Variants in FRMD5 observed in about 807,000 individuals in gnomAD.
FRMD5 encodes FERM domain containing 5.
FRMD5 carries 20 observed loss-of-function variants against 69.0 expected under a neutral mutation model. That is an observed-to-expected ratio of 0.29 (90% confidence interval 0.20 to 0.42). The LOEUF (loss-of-function observed/expected upper bound fraction) is 0.42, where lower values mean the gene tolerates loss of function less well. Ranked by LOEUF, FRMD5 falls within the 10% of genes least tolerant of loss-of-function variation. The pLI is 1.00. For synonymous variants in FRMD5, 271 were observed against 260.1 expected, an observed-to-expected ratio of 1.04 and a Z score of -0.40; for missense variants, 595 against 708.6, an observed-to-expected ratio of 0.84 and a Z score of 1.82.
chr15:44,042,816 A>G (rs938072479), intron 1 of FRMD5, among the ~76,000 whole-genome samples: 3 of 152,264 alleles, frequency 2.0e-5, no homozygotes, highest in African/African-American at 7.2e-5. Context: ...CCCACAGCCA[A>G]TATAATACTG....
At chr15:44,196,487 C>A (rs923402073), upstream of FRMD5, among the ~76,000 whole-genome samples, 1 of 151,542 alleles carries the variant, frequency 6.6e-6, no homozygotes, top group African/African-American at 2.4e-5. Flanking sequence ...ATAATCGTGT[C>A]AACATAGAAC....
chr15:44,169,299 C>T (rs1469550082), intron 1 of FRMD5, among the ~76,000 whole-genome samples: 4 of 152,090 alleles, frequency 2.6e-5, no homozygotes, highest in African/African-American at 7.2e-5. Context: ...AAACAGTCCC[C>T]TAGATTCTCC....
At chr15:44,087,566 G>A (rs1894252550) in intron 1 of FRMD5, among the ~76,000 whole-genome samples, 1 of 152,036 alleles carries the variant, frequency 6.6e-6, no homozygotes, top group South Asian at 2.1e-4. Flanking sequence ...CTGAACCTGT[G>A]CAAGTTACTT....
intron 1 of FRMD5, among the ~76,000 whole-genome samples, chr15:44,104,952 CTTTA>C (rs929860932): frequency 7.9e-5 from 12 of 152,118 alleles, no homozygotes; most frequent in South Asian, 2.1e-4. Flanking sequence ...ATATACCACA[CTTTA>C]TTTATTCATT....
intron 1 of FRMD5, among the ~76,000 whole-genome samples, chr15:44,129,712 C>T (rs765723276): frequency 2.0e-5 from 3 of 151,994 alleles, no homozygotes; most frequent in African/African-American, 4.8e-5. Context: ...TTCTAACAGC[C>T]GTCCACATCA....
chr15:43,905,783 T>C, intron 6 of FRMD5, 45 bp downstream of exon 6: 1 of 1,611,196 alleles, frequency 6.2e-7, no homozygotes, highest in South Asian at 1.1e-5. Flanking sequence ...GTGCTCAGGC[T>C]GTGGAGAAGC....
intron 1 of FRMD5, among the ~76,000 whole-genome samples, chr15:44,148,365 G>A (rs1482497298): frequency 6.6e-6 from 1 of 151,742 alleles, no homozygotes; most frequent in Non-Finnish European, 1.5e-5. Flanking sequence ...TCTGCCTCCC[G>A]GGTTCACGCC....
At chr15:43,940,315 G>A (rs1168085887) in intron 1 of FRMD5, among the ~76,000 whole-genome samples, 2 of 152,180 alleles carry the variant, frequency 1.3e-5, no homozygotes, top group Non-Finnish European at 2.9e-5. Flanking sequence ...AGAAAGTAAT[G>A]GGGCCCTATT....
intron 1 of FRMD5, among the ~76,000 whole-genome samples, chr15:43,999,953 CATATAT>C (rs34872140): frequency 5.2e-4 from 43 of 82,888 alleles, no homozygotes; most frequent in African/African-American, 2.6e-3. Context: ...ATATGCCATG[CATATAT>C]ATATATATAT....
chr15:43,880,079 G>A (rs573160260), intron 13 of FRMD5, among the ~76,000 whole-genome samples: 11 of 152,284 alleles, frequency 7.2e-5, no homozygotes, highest in East Asian at 3.9e-4. Context: ...AATCAAGACC[G>A]TCCCAGAAAA....
chr15:44,183,107 C>T (rs1484750804), intron 1 of FRMD5, among the ~76,000 whole-genome samples: 1 of 152,040 alleles, frequency 6.6e-6, no homozygotes. Context: ...AAAATACTCA[C>T]ATTTCAATAT....
At position 43,873,446 on chromosome 15, in the gene FRMD5, AAAGC is replaced by A; in HGVS notation, c.*435_*438del. On this transcript the variant is annotated 3_prime_UTR_variant, in exon 14 of 14. Coordinates refer to ENST00000417257, the MANE Select transcript of FRMD5 (RefSeq NM_032892.5). ...CTGGAACCCAGTGGCACCAGCAGGA[AAAGC>A]TCCTGCAGAATACAGAGGACAGCAG... is the stretch of plus-strand genomic sequence containing the variant. The A allele has an allele frequency of 7.0e-7, 1 of 1,429,776 alleles. No homozygotes were observed. Among genetic ancestry groups the A allele is most frequent in the Non-Finnish European group, 9.1e-7 (1 of 1,101,872 alleles). 88.6% of individuals were successfully genotyped at this position (1,429,776 alleles called of 1,614,324 possible). A position where few individuals can be genotyped will look rare whatever the true frequency, so the allele number is the denominator to read the frequency against.
chr15:44,073,658 A>T (rs927023020), intron 1 of FRMD5, among the ~76,000 whole-genome samples: 4 of 152,150 alleles, frequency 2.6e-5, no homozygotes, highest in African/African-American at 9.7e-5. Flanking sequence ...ACTGCCCACA[A>T]GGGTCACTCT....
chr15:44,067,895 C>G (rs576585916), intron 1 of FRMD5, among the ~76,000 whole-genome samples: 1 of 152,028 alleles, frequency 6.6e-6, no homozygotes, highest in African/African-American at 2.4e-5. Flanking sequence ...AATGAAAAAC[C>G]AAATAATGCA....
intron 1 of FRMD5, among the ~76,000 whole-genome samples, chr15:44,034,426 G>A (rs965631862): frequency 1.3e-5 from 2 of 152,174 alleles, no homozygotes; most frequent in South Asian, 2.1e-4. Flanking sequence ...AGGTTCACTT[G>A]GTCTACACTT....
At chr15:43,934,171 T>A (rs528553946) in intron 1 of FRMD5, among the ~76,000 whole-genome samples, 3 of 152,274 alleles carry the variant, frequency 2.0e-5, no homozygotes, top group Non-Finnish European at 4.4e-5. Flanking sequence ...GGGGTGGGTA[T>A]AGGAAATATG....
chr15:43,977,869 A>G (rs1446447456), intron 1 of FRMD5, among the ~76,000 whole-genome samples: 1 of 152,158 alleles, frequency 6.6e-6, no homozygotes, highest in Non-Finnish European at 1.5e-5. Flanking sequence ...TCTGGTCAGC[A>G]AAGGTCAACC....
intron 13 of FRMD5, chr15:43,875,852 T>C (rs1270205783): frequency 1.5e-6 from 1 of 647,766 alleles, no homozygotes. Flanking sequence ...TATGATTTTA[T>C]TTTCTTCCTT....
chr15:43,980,841 T>C (rs2090537278), intron 1 of FRMD5, among the ~76,000 whole-genome samples: 1 of 152,156 alleles, frequency 6.6e-6, no homozygotes, highest in African/African-American at 2.4e-5. Context: ...TGTGTATTCA[T>C]TATACAATTG....
Sources: gnomAD v4.1 joint callset for allele counts (sites outside exome capture counted in the v4.1 genomes callset) on GRCh38, gnomAD v4.1.1 for gene constraint, MANE v1.5 for transcripts, NCBI Gene and HGNC (gene_info 2026-07-23, HGNC 2026-07-21) for gene names.